The following EHBP1 variants were observed in gnomAD, a reference collection of about 807,000 sequenced individuals.
EHBP1 encodes the protein EH domain-binding protein 1.
A neutral mutation model predicts 144.0 loss-of-function variants in EHBP1; 55 were observed. That is an observed-to-expected ratio of 0.38 (90% CI 0.31 to 0.48). EHBP1 has a LOEUF of 0.48. Ranked by LOEUF, EHBP1 falls within the 20% of genes least tolerant of loss-of-function variation. The probability of loss-of-function intolerance (pLI) is 0.98; values close to 1 mark genes in which losing one functional copy is unlikely to be tolerated. For missense variants in EHBP1, 1,200 were observed against 1,364.2 expected (o/e 0.88, Z 1.90); for synonymous variants, 469 against 472.7 (o/e 0.99, Z 0.10).
chr2:62,808,829 G>A (rs1255964819), intron 5 of EHBP1, among the ~76,000 whole-genome samples: 2 of 152,130 alleles, frequency 1.3e-5, no homozygotes, highest in African/African-American at 4.8e-5. Flanking sequence ...TTGCCTCTGT[G>A]TTATGAACTT....
intron 1 of EHBP1, among the ~76,000 whole-genome samples, chr2:62,686,246 A>G (rs2151738040): frequency 6.6e-6 from 1 of 152,324 alleles, no homozygotes; most frequent in African/African-American, 2.4e-5. Context: ...GACAAGAATA[A>G]CATGCATGAT....
At chr2:62,788,686 T>A (rs1296895351) in intron 5 of EHBP1, among the ~76,000 whole-genome samples, 1 of 152,348 alleles carries the variant, frequency 6.6e-6, no homozygotes, top group Non-Finnish European at 1.5e-5. Flanking sequence ...TTTACTTAAT[T>A]TTGTTTTTAT....
chr2:62,859,075 A>T (rs1469872685), intron 7 of EHBP1, 94 bp from the exon 8 acceptor site: 1 of 1,218,810 alleles, frequency 8.2e-7, no homozygotes. Context: ...TGCAGGTATT[A>T]TTCGTGTGAA....
intron 15 of EHBP1, among the ~76,000 whole-genome samples, chr2:62,979,737 A>C (rs2153196521): frequency 6.6e-6 from 1 of 152,300 alleles, no homozygotes; most frequent in Middle Eastern, 3.4e-3. Context: ...TTTAGAAAGT[A>C]ACTTTAACAA....
At chr2:62,875,950 A>G (rs2050859164) in intron 10 of EHBP1, among the ~76,000 whole-genome samples, 1 of 152,210 alleles carries the variant, frequency 6.6e-6, no homozygotes, top group Non-Finnish European at 1.5e-5. Context: ...AAAAAGAATG[A>G]ACTAACAAAT....
chr2:62,751,128 A>G (rs2039664721), intron 3 of EHBP1, among the ~76,000 whole-genome samples: 1 of 151,980 alleles, frequency 6.6e-6, no homozygotes, highest in Non-Finnish European at 1.5e-5. Flanking sequence ...GTTTGTCATA[A>G]ATAGCTTTTA....
intron 7 of EHBP1, among the ~76,000 whole-genome samples, chr2:62,839,266 A>G (rs888559544): frequency 7.2e-5 from 11 of 152,066 alleles, no homozygotes; most frequent in Non-Finnish European, 1.6e-4. Flanking sequence ...ATAGATGCGG[A>G]AAAAGCCTTT....
chr2:63,018,779 A>G (rs2060585644), intron 19 of EHBP1, among the ~76,000 whole-genome samples: 1 of 152,238 alleles, frequency 6.6e-6, no homozygotes, highest in Admixed American at 6.5e-5. Context: ...ACACATCACC[A>G]TAATTTTCAA....
At chr2:63,025,466 A>G (rs896773110) in intron 19 of EHBP1, among the ~76,000 whole-genome samples, 17 of 152,306 alleles carry the variant, frequency 1.1e-4, no homozygotes, top group Non-Finnish European at 2.4e-4. Context: ...AAGCCTTGCT[A>G]TATTCAGGCT....
Position 63,046,125 on chromosome 2 carries a change from A to G in EHBP1, c.*625A>G, listed in dbSNP as rs1166036279. ...TTTCCTCAGAGGATGGTCCTTTAAC[A>G]TAGCCAGAAACAAGCCCTGTGGTTT... On this transcript the variant is annotated 3_prime_UTR_variant, in exon 23 of 23. Transcript: ENST00000431489. 1 of 152,794 alleles carries G rather than the reference A, an allele frequency of 6.5e-6. No homozygotes were observed. Among genetic ancestry groups the G allele is most frequent in the Non-Finnish European group, 1.5e-5 (1 of 68,150 alleles). The allele number at this position is 152,794 out of a possible 1,614,324, so 9.5% of individuals were successfully genotyped here.
intron 6 of EHBP1, among the ~76,000 whole-genome samples, chr2:62,827,723 A>G (rs191159951): frequency 0.023 from 3,482 of 151,682 alleles, 52 homozygotes; most frequent in Middle Eastern, 0.052. Flanking sequence ...GCTGGAGTGC[A>G]GTGGCACGAT....
chr2:62,923,007 G>T (rs992375348), intron 10 of EHBP1, among the ~76,000 whole-genome samples: 3 of 152,138 alleles, frequency 2.0e-5, no homozygotes, highest in African/African-American at 7.2e-5. Flanking sequence ...AGAGCATAAG[G>T]TGTGCACTCC....
At chr2:62,788,526 A>G (rs2042964793) in intron 5 of EHBP1, among the ~76,000 whole-genome samples, 1 of 152,154 alleles carries the variant, frequency 6.6e-6, no homozygotes, top group Admixed American at 6.6e-5. Context: ...GAAACTTAAA[A>G]TAACCCTGTT....
intron 10 of EHBP1, among the ~76,000 whole-genome samples, chr2:62,931,352 T>C (rs2055974287): frequency 6.6e-6 from 1 of 152,174 alleles, no homozygotes; most frequent in South Asian, 2.1e-4. Context: ...GGATGGCTAC[T>C]ATCTTCAATC....
At chr2:62,857,519 A>G (rs1199078350) in intron 7 of EHBP1, among the ~76,000 whole-genome samples, 1 of 152,216 alleles carries the variant, frequency 6.6e-6, no homozygotes, top group African/African-American at 2.4e-5. Flanking sequence ...TTTAATGTCA[A>G]ATTTACAACT....
intron 14 of EHBP1, among the ~76,000 whole-genome samples, chr2:62,976,518 A>G (rs142592037): frequency 5.8e-4 from 88 of 152,304 alleles, no homozygotes; most frequent in African/African-American, 2.0e-3. Context: ...CTTGGCTGCA[A>G]TTGATACTCC....
intron 3 of EHBP1, among the ~76,000 whole-genome samples, chr2:62,764,047 CATATG>C (rs2040973566): frequency 1.3e-5 from 2 of 152,162 alleles, no homozygotes; most frequent in South Asian, 4.2e-4. Flanking sequence ...CTGTAGCTGT[CATATG>C]ATATAACTAT....
At chr2:62,738,693 G>A (rs931462633) in intron 2 of EHBP1, among the ~76,000 whole-genome samples, 1 of 152,000 alleles carries the variant, frequency 6.6e-6, no homozygotes, top group African/African-American at 2.4e-5. Flanking sequence ...TAAAATAACC[G>A]TTATTTTATT....
At chr2:62,679,974 C>G (rs1361159257) in intron 1 of EHBP1, among the ~76,000 whole-genome samples, 2 of 152,200 alleles carry the variant, frequency 1.3e-5, no homozygotes, top group Non-Finnish European at 2.9e-5. Context: ...TGTTAATCCC[C>G]AACTCTTCCA....
Sources: allele counts gnomAD v4.1 joint callset (sites outside exome capture counted in the v4.1 genomes callset), GRCh38; gene constraint gnomAD v4.1.1; transcripts MANE v1.5; gene names NCBI Gene and HGNC (gene_info 2026-07-23, HGNC 2026-07-21).